The following TDRD1 variants were observed in gnomAD, a reference collection of about 807,000 sequenced individuals.
TDRD1 encodes tudor domain-containing protein 1.
A neutral mutation model predicts 140.6 loss-of-function variants in TDRD1; 37 were observed. The observed-to-expected ratio is 0.26, with a 90% CI of 0.20 to 0.35. The LOEUF is 0.35. TDRD1 is among the 10% of genes least tolerant of loss of function. The probability of loss-of-function intolerance (pLI) is 1.00; values close to 1 mark genes in which losing one functional copy is unlikely to be tolerated. For synonymous variants in TDRD1, 506 were observed against 475.7 expected, an observed-to-expected ratio of 1.06 and a Z score of -0.83; for missense variants, 1,243 against 1,393.0, an observed-to-expected ratio of 0.89 and a Z score of 1.71.
At chr10:114,204,287 C>A in intron 9 of TDRD1, 71 bp downstream of exon 9, 1 of 1,472,522 alleles carries the variant, frequency 6.8e-7, no homozygotes, top group Non-Finnish European at 9.1e-7. Flanking sequence ...TTGATGGGCA[C>A]AGTGTTTGCT....
exon 19 of TDRD1, chr10:114,220,572 A>G: frequency 1.2e-6 from 2 of 1,609,192 alleles, no homozygotes; most frequent in Non-Finnish European, 8.5e-7. Context: ...TTCTAGATAT[A>G]CAGTCTAGAA....
At position 114,204,582 on chromosome 10, in the gene TDRD1, C is replaced by G. The variant is rs1589684935; in HGVS notation, c.1126-140C>G. 3 of 848,130 alleles carry G rather than the reference C, an allele frequency of 3.5e-6. No individual in the cohort carries two copies. The East Asian group carries it at 8.7e-5, about 25-fold the overall frequency. The allele number at this position is 848,130 out of a possible 1,614,324, so 52.5% of individuals were successfully genotyped here. On this transcript the variant is annotated intron_variant, in intron 9 of 25. Coordinates refer to ENST00000251864, the Ensembl canonical transcript of TDRD1. ...CTAACAGAGGCTAATAATAATTATA[C>G]AGAAAATTGTCTATCTGATTAGTAC...
At chr10:114,183,395 A>G (rs1323660688) in intron 1 of TDRD1, among the ~76,000 whole-genome samples, 2 of 152,224 alleles carry the variant, frequency 1.3e-5, no homozygotes, top group Non-Finnish European at 2.9e-5. Context: ...TCAGTCTTAA[A>G]AATGTTTTCA....
rs2034902941 is a variant in TDRD1 at position 114,203,572 on chromosome 10, C to T, written c.981+5C>T. On this transcript the variant is annotated splice_donor_5th_base_variant and intron_variant, in intron 8 of 25. Coordinates refer to ENST00000251864, the Ensembl canonical transcript of TDRD1. Reference sequence around the variant, plus strand: ...GCCAAGTACACTGTTGATCAGGTAACCTGTAATGAAATGAATTATTTAAAA... The same window carrying T: ...GCCAAGTACACTGTTGATCAGGTAATCTGTAATGAAATGAATTATTTAAAA... The T allele has an allele frequency of 6.3e-7, 1 of 1,592,630 alleles. No homozygotes were observed. The highest frequency in any genetic ancestry group is 1.4e-5 in the African/African-American group (1 of 73,474).
exon 6 of TDRD1, chr10:114,202,279 A>C: frequency 6.2e-7 from 1 of 1,603,400 alleles, no homozygotes; most frequent in Non-Finnish European, 8.5e-7. Flanking sequence ...GAAACAAAGG[A>C]TGTGGAGGTA....
chr10:114,205,732 G>A (rs2035055405), intron 10 of TDRD1, among the ~76,000 whole-genome samples: 1 of 152,152 alleles, frequency 6.6e-6, no homozygotes, highest in Non-Finnish European at 1.5e-5. Flanking sequence ...GTCAGGGGCT[G>A]GGAGTAGGTG....
intron 13 of TDRD1, 37 bp from the exon 14 acceptor site, chr10:114,211,829 G>A: frequency 6.7e-7 from 1 of 1,481,566 alleles, no homozygotes; most frequent in South Asian, 1.5e-5. Flanking sequence ...ATCTACAGTG[G>A]AAAAATCATT....
chr10:114,217,758 A>T (rs1457180387), intron 17 of TDRD1, 103 bp downstream of exon 17: 4 of 628,052 alleles, frequency 6.4e-6, no homozygotes, highest in Non-Finnish European at 1.1e-5. Context: ...AACATTTTTC[A>T]TGGCCAAGAA....
At chr10:114,224,518 T>A (rs979705101) in intron 21 of TDRD1, among the ~76,000 whole-genome samples, 9 of 152,200 alleles carry the variant, frequency 5.9e-5, no homozygotes, top group African/African-American at 2.2e-4. Flanking sequence ...TTCTGTTCTG[T>A]TAGGAGCTTC....
At chr10:114,229,106 A>C (rs911338288) in intron 25 of TDRD1, among the ~76,000 whole-genome samples, 1 of 151,834 alleles carries the variant, frequency 6.6e-6, no homozygotes, top group Non-Finnish European at 1.5e-5. Context: ...CAAAACAAAA[A>C]AAAAAACAAC....
At chr10:114,228,344 G>C in intron 25 of TDRD1, 1 of 1,300,728 alleles carries the variant, frequency 7.7e-7, no homozygotes, top group Non-Finnish European at 9.8e-7. Flanking sequence ...ACCCCCAGGG[G>C]TATTCCAGTT....
At chr10:114,220,173 A>G (rs1008312562) in intron 18 of TDRD1, among the ~76,000 whole-genome samples, 1 of 152,250 alleles carries the variant, frequency 6.6e-6, no homozygotes, top group African/African-American at 2.4e-5. Context: ...TGCTTACATA[A>G]TGAAAAACAT....
chr10:114,192,568 A>G (rs1255030964), intron 3 of TDRD1, among the ~76,000 whole-genome samples: 6 of 151,954 alleles, frequency 3.9e-5, no homozygotes, highest in African/African-American at 1.4e-4. Context: ...GGCCTCGCAA[A>G]GTGCTAGGAT....
upstream of TDRD1, among the ~76,000 whole-genome samples, chr10:114,176,348 T>G (rs1293286426): frequency 6.6e-6 from 1 of 151,494 alleles, no homozygotes; most frequent in Non-Finnish European, 1.5e-5. This position sits in a 1 kb window ranked among gnomAD's most constrained non-coding sequence, Gnocchi z 4.2. Context: ...AAGTACAGGA[T>G]TTAAAGAGAA....
chr10:114,222,483 T>C, intron 20 of TDRD1, 104 bp from the exon 21 acceptor site: 1 of 541,476 alleles, frequency 1.8e-6, no homozygotes. Context: ...TATATTTTAA[T>C]ACACAAAGGG....
chr10:114,219,657 G>A (rs866554665), intron 18 of TDRD1, among the ~76,000 whole-genome samples: 1 of 148,330 alleles, frequency 6.7e-6, no homozygotes, highest in African/African-American at 2.5e-5. Flanking sequence ...GCACAATCTC[G>A]GCTCACTGCA....
Position 114,227,246 on chromosome 10 carries a change from C to T in TDRD1, c.3350C>T (p.Thr1117Ile), listed in dbSNP as rs187480076. ...GTCGATGTAGCTGATAAGCTAGTGA[C>T]ATTTGGTCTGGCAAAAAACATCACA... Residue 1117 changes from threonine to isoleucine, a missense_variant, in exon 23 of 26, where the codon ACA becomes ATA. Around this residue, in one of 5 missense-constraint regions of TDRD1, gnomAD observed 601 missense variants for 734.7 expected, o/e 0.82. Transcript: ENST00000251864. 7.1e-5 allele frequency: 114 copies of T among 1,614,124 alleles called. No homozygotes were observed. The highest frequency in any genetic ancestry group is 9.5e-5 in the Non-Finnish European group (112 of 1,179,990).
Position 114,204,822 on chromosome 10 carries a change from C to T in TDRD1, c.1226C>T (p.Ser409Phe), listed in dbSNP as rs1213471655. The change falls in exon 10 of 26, where the codon TCC (serine) becomes TTC (phenylalanine). Residue 409 changes from serine (S) to phenylalanine (F), a missense_variant. Ser to Phe is a radical substitution (Grantham distance 155). This residue lies in a region of TDRD1 where 392 missense variants were observed against 394.1 expected (regional missense o/e 0.99). Transcript: ENST00000251864. ...CCACTGTTAATGGAGCAGTACTGCT[C>T]CATAAAGATTGTCGACATCTTGGAA... 1 of 1,600,516 alleles carries T rather than the reference C, an allele frequency of 6.2e-7. No homozygotes were observed.
chr10:114,198,157 A>C (rs1175024480), intron 3 of TDRD1, among the ~76,000 whole-genome samples: 1 of 152,158 alleles, frequency 6.6e-6, no homozygotes, highest in East Asian at 1.9e-4. Context: ...TCTGGCTGAC[A>C]GTGGTGAGTG....
Sources: gnomAD v4.1 joint callset for allele counts (sites outside exome capture counted in the v4.1 genomes callset) on GRCh38, gnomAD v4.1.1 for gene constraint, gnomAD v4.1.1 regional missense constraint, Gnocchi (gnomAD v3.1) non-coding constraint, MANE v1.5 for transcripts, NCBI Gene and HGNC (gene_info 2026-07-23, HGNC 2026-07-21) for gene names.